The following SH3RF3 variants were observed in gnomAD, a reference collection of about 807,000 sequenced individuals.
SH3RF3 encodes SH3 domain containing ring finger 3, also known as E3 ubiquitin-protein ligase SH3RF3.
In SH3RF3, 29 loss-of-function variants were observed where a neutral mutation model predicts 66.3. That is an observed-to-expected ratio of 0.44 (90% CI 0.33 to 0.60). The LOEUF (loss-of-function observed/expected upper bound fraction) is 0.60, where lower values mean the gene tolerates loss of function less well. Among genes scored for constraint, SH3RF3 ranks in the 20% least tolerant of loss-of-function variants. The pLI is 0.04. For synonymous variants in SH3RF3, 583 were observed against 532.0 expected, an observed-to-expected ratio of 1.10 and a Z score of -1.32; for missense variants, 1,194 against 1,190.9, an observed-to-expected ratio of 1.00 and a Z score of -0.04.
chr2:109,286,511 T>A (rs1001348278), intron 1 of SH3RF3, among the ~76,000 whole-genome samples: 3 of 152,156 alleles, frequency 2.0e-5, no homozygotes, highest in Non-Finnish European at 4.4e-5. Flanking sequence ...ATCACCTGGG[T>A]GCAGAAGACC....
chr2:109,276,156 G>A (rs189974731), intron 1 of SH3RF3, among the ~76,000 whole-genome samples: 14 of 152,322 alleles, frequency 9.2e-5, no homozygotes, highest in Admixed American at 4.6e-4. Flanking sequence ...GTTCGAGTTA[G>A]GAGCAGGCAT....
At chr2:109,145,805 G>A (rs1677083851) in intron 1 of SH3RF3, among the ~76,000 whole-genome samples, 1 of 152,192 alleles carries the variant, frequency 6.6e-6, no homozygotes, top group Non-Finnish European at 1.5e-5. Flanking sequence ...TGGGGTCAGG[G>A]GTGTAGTGGC....
intron 1 of SH3RF3, among the ~76,000 whole-genome samples, chr2:109,207,393 A>G (rs925821662): frequency 1.1e-4 from 17 of 152,218 alleles, no homozygotes; most frequent in African/African-American, 3.4e-4. Flanking sequence ...TGGAGACAAC[A>G]TAAGAAAAAG....
chr2:109,180,889 TGGAA>T lies in SH3RF3; in HGVS notation c.573+50779_573+50782del, dbSNP rs554268871. 1.9e-3 allele frequency among the ~76,000 whole-genome samples: 297 copies of T among 152,348 alleles called. 1 individual carries two copies. The highest frequency in any genetic ancestry group is 3.4e-3 in the Non-Finnish European group (232 of 68,020). On this transcript the variant is annotated intron_variant, in intron 1 of 9. Transcript: ENST00000309415. ...GGGCTGAGTCCAGGGCAAGCTTACT[TGGAA>T]GGGACCACCCCATGCAGAGAGCTCT...
intron 8 of SH3RF3, among the ~76,000 whole-genome samples, chr2:109,461,271 G>T (rs1678202040): frequency 6.6e-6 from 1 of 152,246 alleles, no homozygotes; most frequent in Non-Finnish European, 1.5e-5. Context: ...GGTGGCTCAT[G>T]GTCAAGCATT....
At chr2:109,178,699 G>C (rs1255917375) in intron 1 of SH3RF3, among the ~76,000 whole-genome samples, 1 of 152,118 alleles carries the variant, frequency 6.6e-6, no homozygotes, top group Non-Finnish European at 1.5e-5. Context: ...CAAAGTTCTT[G>C]TGTCGTTCAC....
At chr2:109,370,148 C>T (rs1401749805) in intron 2 of SH3RF3, among the ~76,000 whole-genome samples, 1 of 152,048 alleles carries the variant, frequency 6.6e-6, no homozygotes, top group Non-Finnish European at 1.5e-5. Context: ...CGCCAAAGGC[C>T]CCTTGGAGTG....
intron 1 of SH3RF3, among the ~76,000 whole-genome samples, chr2:109,147,156 G>A (rs1677119335): frequency 6.6e-6 from 1 of 152,112 alleles, no homozygotes; most frequent in Admixed American, 6.6e-5. Context: ...AAAGACAGAG[G>A]TTGGCTGGCA....
intron 1 of SH3RF3, among the ~76,000 whole-genome samples, chr2:109,246,968 G>C (rs1347317694): frequency 6.6e-6 from 1 of 152,238 alleles, no homozygotes; most frequent in Non-Finnish European, 1.5e-5. Flanking sequence ...GCATGAGGAG[G>C]ACTCATGGTG....
intron 1 of SH3RF3, among the ~76,000 whole-genome samples, chr2:109,234,306 A>G (rs554674766): frequency 6.6e-6 from 1 of 152,236 alleles, no homozygotes; most frequent in Non-Finnish European, 1.5e-5. Context: ...CATATAGGAA[A>G]ACTTTAGGTT....
Position 109,300,183 on chromosome 2 carries a change from G to A in SH3RF3, c.574-47491G>A, listed in dbSNP as rs920435270. ...AATAATGGCCCTGAGATATGCTCTC[G>A]AGAGGGCATCCTGAAATTTTTTTTT... On this transcript the variant is annotated intron_variant, in intron 1 of 9. Transcript: ENST00000309415. Among the ~76,000 whole-genome samples, 8 of 152,156 alleles carry A rather than the reference G, an allele frequency of 5.3e-5. No homozygotes were observed. In the East Asian group the frequency reaches 1.4e-3, roughly 26 times the overall value.
chr2:109,264,548 GC>G (rs1423335318), intron 1 of SH3RF3, among the ~76,000 whole-genome samples: 5 of 152,266 alleles, frequency 3.3e-5, no homozygotes, highest in African/African-American at 1.2e-4. Context: ...CAGGGCCAAA[GC>G]CAGGCTTTTT....
At chr2:109,251,041 G>A (rs1045094137) in intron 1 of SH3RF3, among the ~76,000 whole-genome samples, 1 of 150,104 alleles carries the variant, frequency 6.7e-6, no homozygotes, top group South Asian at 2.1e-4. Context: ...TCACTCTGTC[G>A]CCCAGGCTGG....
At chr2:109,172,232 C>A (rs1403023225) in intron 1 of SH3RF3, among the ~76,000 whole-genome samples, 1 of 152,222 alleles carries the variant, frequency 6.6e-6, no homozygotes, top group Non-Finnish European at 1.5e-5. Context: ...CTGAGCACAG[C>A]GTCTGAAGTA....
chr2:109,419,468 A>G, intron 4 of SH3RF3, 71 bp from the exon 5 acceptor site: 1 of 1,475,922 alleles, frequency 6.8e-7, no homozygotes, highest in South Asian at 1.2e-5. Flanking sequence ...ATGCAGCCTC[A>G]TTTTGCTTTT....
At chr2:109,285,673 A>T (rs1681015804) in intron 1 of SH3RF3, among the ~76,000 whole-genome samples, 1 of 152,102 alleles carries the variant, frequency 6.6e-6, no homozygotes, top group Non-Finnish European at 1.5e-5. Context: ...CTATGGGGAA[A>T]AGTTCACTTG....
chr2:109,218,431 A>G (rs967731002), intron 1 of SH3RF3, among the ~76,000 whole-genome samples: 4 of 152,344 alleles, frequency 2.6e-5, no homozygotes, highest in Non-Finnish European at 4.4e-5. Context: ...TATGCTTAAC[A>G]AAACGAGCTT....
At chr2:109,197,407 C>A (rs997075263) in intron 1 of SH3RF3, among the ~76,000 whole-genome samples, 1 of 152,168 alleles carries the variant, frequency 6.6e-6, no homozygotes, top group East Asian at 1.9e-4. Flanking sequence ...TGTTTGTCCT[C>A]GGGCTGGTGG....
At chr2:109,272,032 A>G (rs1574542755) in intron 1 of SH3RF3, among the ~76,000 whole-genome samples, 3 of 152,248 alleles carry the variant, frequency 2.0e-5, no homozygotes, top group African/African-American at 7.2e-5. Flanking sequence ...ACACTGAGTG[A>G]CATTGGGGTG....
Sources: gnomAD v4.1 joint callset for allele counts (sites outside exome capture counted in the v4.1 genomes callset) on GRCh38, gnomAD v4.1.1 for gene constraint, MANE v1.5 for transcripts, NCBI Gene and HGNC (gene_info 2026-07-23, HGNC 2026-07-21) for gene names.